The following HPSE2 variants were observed in gnomAD, a reference collection of about 807,000 sequenced individuals.
HPSE2 encodes inactive heparanase-2.
HPSE2 carries 38 observed loss-of-function variants against 60.5 expected under a neutral mutation model. That is an observed-to-expected ratio of 0.63 (90% confidence interval 0.48 to 0.82). The LOEUF (loss-of-function observed/expected upper bound fraction) is 0.82. Ranked by LOEUF, HPSE2 falls within the 40% of genes least tolerant of loss-of-function variation. The probability of loss-of-function intolerance (pLI) is 0.00; values close to 1 mark genes in which losing one functional copy is unlikely to be tolerated. For missense variants in HPSE2, 713 were observed against 740.4 expected (o/e 0.96, Z 0.43); for synonymous variants, 295 against 293.2 (o/e 1.01, Z -0.06).
chr10:99,262,583 T>C, the HPSE2 span, among the ~76,000 whole-genome samples: 1 of 152,128 alleles, frequency 6.6e-6, no homozygotes, highest in South Asian at 2.1e-4. Flanking sequence ...CAATATCCCA[T>C]CCCACAGCAT....
intron 7 of HPSE2, among the ~76,000 whole-genome samples, chr10:98,638,784 G>A (rs1297083942): frequency 6.6e-6 from 1 of 152,172 alleles, no homozygotes; most frequent in African/African-American, 2.4e-5. Flanking sequence ...CTATCCAGTG[G>A]TTCAAATCTC....
the HPSE2 span, among the ~76,000 whole-genome samples, chr10:99,247,329 G>T: frequency 5.3e-5 from 8 of 152,184 alleles, no homozygotes; most frequent in African/African-American, 1.7e-4. Context: ...AACATGAAAA[G>T]AATTAGTTCT....
intron 3 of HPSE2, among the ~76,000 whole-genome samples, chr10:98,819,982 C>T (rs12245983): frequency 0.015 from 2,353 of 152,200 alleles, 63 homozygotes; most frequent in African/African-American, 0.054. Context: ...AATCTCCATA[C>T]TCTCATGACT....
chr10:99,315,183 C>T, the HPSE2 span, among the ~76,000 whole-genome samples: 232 of 152,224 alleles, frequency 1.5e-3, no homozygotes, highest in African/African-American at 5.3e-3. Flanking sequence ...GGTCAAATAC[C>T]CCATAATTTC....
At chr10:98,557,937 GA>G (rs1387473910) in intron 9 of HPSE2, among the ~76,000 whole-genome samples, 2 of 152,066 alleles carry the variant, frequency 1.3e-5, no homozygotes, top group Non-Finnish European at 2.9e-5. Flanking sequence ...TTCATATCCA[GA>G]ATATATAAAG....
intron 6 of HPSE2, among the ~76,000 whole-genome samples, chr10:98,643,900 T>C (rs1165219461): frequency 6.6e-6 from 1 of 152,242 alleles, no homozygotes; most frequent in Non-Finnish European, 1.5e-5. Flanking sequence ...TATTATTTAA[T>C]CAAATATATT....
chr10:99,268,352 C>T, the HPSE2 span, among the ~76,000 whole-genome samples: 1 of 152,124 alleles, frequency 6.6e-6, no homozygotes, highest in Non-Finnish European at 1.5e-5. Context: ...CTCCTTAAAG[C>T]ATAAATCTCG....
At chr10:99,124,246 G>T (rs1234661636) in intron 3 of HPSE2, among the ~76,000 whole-genome samples, 1 of 152,162 alleles carries the variant, frequency 6.6e-6, no homozygotes, top group Non-Finnish European at 1.5e-5. Context: ...TTAGAAGGGA[G>T]AAAGTGTGTA....
intron 9 of HPSE2, among the ~76,000 whole-genome samples, chr10:98,542,890 T>C (rs1020951208): frequency 1.2e-4 from 19 of 152,150 alleles, no homozygotes; most frequent in Non-Finnish European, 2.6e-4. Context: ...TGGAACCAAG[T>C]TGGAAAACAC....
At chr10:98,620,521 G>T (rs1385580083) in intron 8 of HPSE2, 81 bp downstream of exon 8, 2 of 994,048 alleles carry the variant, frequency 2.0e-6, no homozygotes, top group Admixed American at 1.8e-5. Flanking sequence ...CCTAGGATGG[G>T]CAGAATAATC....
intron 9 of HPSE2, among the ~76,000 whole-genome samples, chr10:98,511,552 T>A (rs1026445817): frequency 1.4e-4 from 17 of 117,340 alleles, no homozygotes; most frequent in African/African-American, 4.4e-4. Flanking sequence ...AAAACATAAC[T>A]ATGGTGTGTG....
intron 3 of HPSE2, among the ~76,000 whole-genome samples, chr10:98,950,024 C>G (rs1050488538): frequency 6.6e-6 from 1 of 152,090 alleles, no homozygotes; most frequent in Non-Finnish European, 1.5e-5. Flanking sequence ...ACAGCTGATT[C>G]CATCCTAGTG....
the HPSE2 span, among the ~76,000 whole-genome samples, chr10:99,243,038 T>C: frequency 1.3e-5 from 2 of 152,194 alleles, no homozygotes; most frequent in Non-Finnish European, 2.9e-5. Context: ...GCACAGACTT[T>C]ATCTTCATAA....
intron 9 of HPSE2, among the ~76,000 whole-genome samples, chr10:98,555,136 T>C (rs1030746144): frequency 1.3e-5 from 2 of 152,238 alleles, no homozygotes; most frequent in Admixed American, 6.5e-5. Context: ...GACATGTTCC[T>C]TTCAGCTCTA....
chr10:99,002,304 G>A lies in HPSE2; in HGVS notation c.610+141934C>T, dbSNP rs192522208. 3.9e-5 allele frequency among the ~76,000 whole-genome samples: 6 copies of A among 152,208 alleles called. No individual in the cohort carries two copies. In the East Asian group the frequency reaches 9.7e-4, roughly 24 times the overall value. Reference sequence around the variant, plus strand: ...GATATTCCATCCTCATGGAGGTGGAGCATAACTCTCCACTCTTTAAGTGTG... The same window carrying A: ...GATATTCCATCCTCATGGAGGTGGAACATAACTCTCCACTCTTTAAGTGTG... On this transcript the variant is annotated intron_variant, in intron 3 of 11. Transcript: ENST00000370552.
intron 3 of HPSE2, among the ~76,000 whole-genome samples, chr10:99,033,227 T>C (rs9630091): frequency 0.16 from 24,583 of 152,214 alleles, 2,903 homozygotes; most frequent in African/African-American, 0.33. Context: ...AATATGGTTA[T>C]TACTGGGTGG....
At chr10:98,626,534 C>T (rs1946219095) in intron 7 of HPSE2, among the ~76,000 whole-genome samples, 1 of 152,104 alleles carries the variant, frequency 6.6e-6, no homozygotes, top group Non-Finnish European at 1.5e-5. Context: ...ATACCCACGC[C>T]CATACTCACT....
intron 9 of HPSE2, among the ~76,000 whole-genome samples, chr10:98,525,199 C>G (rs1024265791): frequency 6.6e-6 from 1 of 152,098 alleles, no homozygotes; most frequent in Non-Finnish European, 1.5e-5. Flanking sequence ...TTAGTAGAGA[C>G]GGGGTTTCAC....
At chr10:99,189,706 T>G (rs1191793715) in intron 2 of HPSE2, among the ~76,000 whole-genome samples, 1 of 152,212 alleles carries the variant, frequency 6.6e-6, no homozygotes, top group Non-Finnish European at 1.5e-5. Context: ...TCTGTTGTTT[T>G]GTTTGCCTGT....
Sources: gnomAD v4.1 joint callset for allele counts (sites outside exome capture counted in the v4.1 genomes callset) on GRCh38, gnomAD v4.1.1 for gene constraint, MANE v1.5 for transcripts, NCBI Gene and HGNC (gene_info 2026-07-23, HGNC 2026-07-21) for gene names.